Variants in FAT3 observed in about 807,000 individuals in gnomAD.
FAT3 encodes protocadherin Fat 3.
FAT3 carries 95 observed loss-of-function variants against 310.2 expected under a neutral mutation model. The ratio of observed to expected loss-of-function variants is 0.31; its 90% CI spans 0.26 to 0.36. The LOEUF (loss-of-function observed/expected upper bound fraction) is 0.36, where lower values mean the gene tolerates loss of function less well. FAT3 is among the 10% of genes least tolerant of loss of function. The pLI is 1.00. For missense variants in FAT3, 5,408 were observed against 5,715.6 expected (o/e 0.95, Z 1.74); for synonymous variants, 2,314 against 2,192.9 (o/e 1.06, Z -1.54).
At chr11:92,835,916 C>T (rs1425094726) in intron 15 of FAT3, among the ~76,000 whole-genome samples, 1 of 152,194 alleles carries the variant, frequency 6.6e-6, no homozygotes, top group Non-Finnish European at 1.5e-5. Flanking sequence ...GTCCCCTCCT[C>T]ACCATCCTTC....
chr11:92,432,106 A>G (rs371622039), intron 2 of FAT3, among the ~76,000 whole-genome samples: 20 of 152,070 alleles, frequency 1.3e-4, no homozygotes, highest in Non-Finnish European at 2.2e-4. Flanking sequence ...CCATTTTCAC[A>G]ATATTGATTC....
chr11:92,393,194 G>A (rs888642167), intron 2 of FAT3, among the ~76,000 whole-genome samples: 8 of 152,094 alleles, frequency 5.3e-5, no homozygotes, highest in African/African-American at 1.9e-4. Context: ...ACCTATGGAA[G>A]GCAGATCTTA....
At chr11:92,727,915 T>A (rs1309842477) in intron 4 of FAT3, among the ~76,000 whole-genome samples, 2 of 152,250 alleles carry the variant, frequency 1.3e-5, no homozygotes, top group African/African-American at 2.4e-5. Context: ...GGCTGCTTTT[T>A]ATTTTTATTC....
chr11:92,869,358 A>C (rs1168708446), intron 22 of FAT3, among the ~76,000 whole-genome samples: 1 of 152,196 alleles, frequency 6.6e-6, no homozygotes, highest in African/African-American at 2.4e-5. Flanking sequence ...TGGGACTCTC[A>C]TGCACAGCAG....
At chr11:92,252,763 A>T (rs1476179500) in intron 1 of FAT3, among the ~76,000 whole-genome samples, 1 of 152,110 alleles carries the variant, frequency 6.6e-6, no homozygotes, top group Non-Finnish European at 1.5e-5. Context: ...GCTCTAAAAG[A>T]CAGATTCACA....
intron 3 of FAT3, among the ~76,000 whole-genome samples, chr11:92,675,900 T>G (rs1238313896): frequency 6.6e-6 from 1 of 152,116 alleles, no homozygotes; most frequent in Non-Finnish European, 1.5e-5. Flanking sequence ...ATCACTCCAG[T>G]CTCTCACTTT....
At chr11:92,421,980 C>T (rs1020171432) in intron 2 of FAT3, among the ~76,000 whole-genome samples, 13 of 152,162 alleles carry the variant, frequency 8.5e-5, no homozygotes, top group Admixed American at 7.9e-4. Flanking sequence ...AACAAAGTTG[C>T]GAACGCAGGT....
chr11:92,331,384 ATATAT>A (rs1184366633), intron 1 of FAT3, among the ~76,000 whole-genome samples: 1 of 152,066 alleles, frequency 6.6e-6, no homozygotes, highest in African/African-American at 2.4e-5. Flanking sequence ...CAGGCAGGTC[ATATAT>A]TATAGTTTGT....
At chr11:92,348,888 T>A (rs949505387) in intron 1 of FAT3, among the ~76,000 whole-genome samples, 2 of 152,190 alleles carry the variant, frequency 1.3e-5, no homozygotes, top group African/African-American at 4.8e-5. Context: ...TCTGGGCCTC[T>A]GGTTACATTA....
In FAT3 at chr11:92,412,746, A is replaced by ATACACACATATATATATATAT. The variant is rs1591252852; in HGVS notation, c.3292+57342_3292+57343insTACACACATATATATATATAT. On this transcript the variant is annotated intron_variant, in intron 2 of 27. Transcript: ENST00000525166. ...ATATATATATATATATATATATATA[A>ATACACACATATATATATATAT]ATATACATACATATATATATATTTA... Among the ~76,000 whole-genome samples, 18 of 18,066 alleles carry ATACACACATATATATATATAT rather than the reference A, an allele frequency of 1.0e-3. 1 individual carries two copies. The highest frequency in any genetic ancestry group is 1.4e-3 in the Non-Finnish European group (13 of 9,234). 11.9% of individuals were successfully genotyped at this position (18,066 alleles called of 152,430 possible).
intron 1 of FAT3, among the ~76,000 whole-genome samples, chr11:92,295,131 C>T (rs915863491): frequency 5.3e-5 from 8 of 152,148 alleles, no homozygotes; most frequent in Non-Finnish European, 1.0e-4. Flanking sequence ...TTTACTCATT[C>T]AGCTCACATC....
In FAT3 at chr11:92,355,013, G is replaced by A. The variant is rs766508231; in HGVS notation, c.2901G>A (p.Leu967=). The change falls in exon 2 of 28, where the codon CTG becomes CTA. Residue 967 remains leucine, a synonymous_variant. Coordinates refer to ENST00000525166, the MANE Select transcript of FAT3 (RefSeq NM_001367949.2). ...WLETHDPDLG[L]GGQVRYSLVN... is the part of the protein sequence containing the mutation. Reference sequence around the variant, plus strand: ...AGACCCATGATCCAGATCTTGGACTGGGGGGTCAAGTGCGCTATTCTTTGG... The same window carrying A: ...AGACCCATGATCCAGATCTTGGACTAGGGGGTCAAGTGCGCTATTCTTTGG... 6.2e-7 allele frequency: 1 copy of A among 1,613,502 alleles called. No homozygotes were observed. Among genetic ancestry groups the A allele is most frequent in the Non-Finnish European group, 8.5e-7 (1 of 1,179,632 alleles).
intron 2 of FAT3, among the ~76,000 whole-genome samples, chr11:92,499,650 A>G (rs1041639000): frequency 1.3e-5 from 2 of 151,706 alleles, no homozygotes; most frequent in Non-Finnish European, 2.9e-5. Flanking sequence ...GAGCTTGGCT[A>G]TGTTGTTCAC....
chr11:92,515,919 G>A (rs1258974048), intron 2 of FAT3, among the ~76,000 whole-genome samples: 1 of 151,702 alleles, frequency 6.6e-6, no homozygotes, highest in East Asian at 1.9e-4. Context: ...ATAAAAAATT[G>A]GTTAGAAGAC....
chr11:92,759,103 T>A (rs1264257640), intron 4 of FAT3, among the ~76,000 whole-genome samples: 7 of 151,982 alleles, frequency 4.6e-5, no homozygotes, highest in Admixed American at 1.3e-4. Context: ...AAACCATGGG[T>A]AAGGAGATGG....
At chr11:92,556,073 A>C (rs1955007957) in intron 3 of FAT3, among the ~76,000 whole-genome samples, 1 of 152,182 alleles carries the variant, frequency 6.6e-6, no homozygotes, top group Non-Finnish European at 1.5e-5. Flanking sequence ...CCTGGGACAT[A>C]ATAAGTGCTC....
chr11:92,801,077 G>A lies in FAT3; in HGVS notation c.8064G>A (p.Lys2688=). Residue 2688 remains lysine, a synonymous_variant, in exon 10 of 28, where the codon AAG becomes AAA. Coordinates refer to ENST00000525166, the MANE Select transcript of FAT3 (RefSeq NM_001367949.2). ...CAGTAGATGGGGGCATCCCAGTAAA[G>A]CACTCCCTCATTCCTGTCTATATCC... ...VKAVDGGIPV[K]HSLIPVYIHV... 1.9e-6 allele frequency: 3 copies of A among 1,613,896 alleles called. No homozygotes were observed. Among genetic ancestry groups the A allele is most frequent in the Non-Finnish European group, 2.5e-6 (3 of 1,179,864 alleles).
chr11:92,765,154 A>T lies in FAT3; in HGVS notation c.4195+65A>T, dbSNP rs534533318. On this transcript the variant is annotated intron_variant, in intron 6 of 27. Transcript: ENST00000525166. Reference sequence around the variant, plus strand: ...TAATTGACTGAAGCAACTAGGAAAAAAAAAAAAAAGAAAGAAAGCAAAAAA... The same window carrying T: ...TAATTGACTGAAGCAACTAGGAAAATAAAAAAAAAGAAAGAAAGCAAAAAA... The T allele has an allele frequency of 8.1e-6, 11 of 1,356,822 alleles. No homozygotes were observed. The African/African-American group carries it at 1.3e-4, about 16-fold the overall frequency. 84.0% of individuals were successfully genotyped at this position (1,356,822 alleles called of 1,614,324 possible). A position where few individuals can be genotyped will look rare whatever the true frequency, so the allele number is the denominator to read the frequency against.
chr11:92,746,302 G>A (rs761545069), intron 4 of FAT3, among the ~76,000 whole-genome samples: 75 of 152,176 alleles, frequency 4.9e-4, no homozygotes, highest in Non-Finnish European at 6.2e-4. Context: ...GAGGAGCAAA[G>A]CCATGTCTTA....
Sources: allele counts gnomAD v4.1 joint callset (sites outside exome capture counted in the v4.1 genomes callset), GRCh38; gene constraint gnomAD v4.1.1; transcripts MANE v1.5; gene names NCBI Gene and HGNC (gene_info 2026-07-23, HGNC 2026-07-21).